Variants in RAB3IL1 observed in about 807,000 individuals in gnomAD.
RAB3IL1 encodes the protein guanine nucleotide exchange factor for Rab-3A.
RAB3IL1 carries 37 observed loss-of-function variants against 49.2 expected under a neutral mutation model. That is an observed-to-expected ratio of 0.75 (90% CI 0.58 to 0.99). The LOEUF (loss-of-function observed/expected upper bound fraction) is 0.99, where lower values mean the gene tolerates loss of function less well. RAB3IL1 is among the 50% of genes least tolerant of loss of function. The probability of loss-of-function intolerance (pLI) is 0.00; values close to 1 mark genes in which losing one functional copy is unlikely to be tolerated. For synonymous variants in RAB3IL1, 193 were observed against 213.9 expected (o/e 0.90, Z 0.85); for missense variants, 484 against 513.0 (o/e 0.94, Z 0.55).
chr11:61,928,220 A>T, the RAB3IL1 span, among the ~76,000 whole-genome samples: 1 of 152,044 alleles, frequency 6.6e-6, no homozygotes, highest in East Asian at 1.9e-4. Flanking sequence ...TGTGTTGTCT[A>T]TCAAGCTCTA....
intron 5 of RAB3IL1, 23 bp from the exon 6 acceptor site, chr11:61,904,905 G>A: frequency 1.3e-6 from 2 of 1,552,412 alleles, no homozygotes; most frequent in Non-Finnish European, 1.8e-6. Flanking sequence ...GCAAGCGAGG[G>A]TGGGGGCGGT....
chr11:61,898,324 T>C lies in RAB3IL1; in HGVS notation c.1103A>G (p.Lys368Arg), dbSNP rs150700132. 5.7e-4 allele frequency: 917 copies of C among 1,613,570 alleles called. 11 individuals carry two copies. The South Asian group carries it at 6.8e-3, about 12-fold the overall frequency. Residue 368 changes from lysine (K) to arginine (R), a missense_variant, in exon 10 of 10, where the codon AAG (lysine) becomes AGG (arginine). By Grantham distance (26) the Lys-to-Arg change is conservative. Transcript: ENST00000394836. This position sits in a 1 kb window ranked among gnomAD's most constrained non-coding sequence, Gnocchi z 5.1. The part of the protein sequence containing the change: ...PMFWEIMRLR[K>R]EMSLAKLGFF... Reference sequence around the variant, plus strand: ...GCCGAGCTTGGCCAGTGACATCTCCTTCCGCAACCTCATGATCTCCCAGAA... The same window carrying C: ...GCCGAGCTTGGCCAGTGACATCTCCCTCCGCAACCTCATGATCTCCCAGAA...
intron 8 of RAB3IL1, among the ~76,000 whole-genome samples, chr11:61,900,556 C>A (rs138294628): frequency 2.0e-5 from 3 of 152,086 alleles, no homozygotes; most frequent in Admixed American, 1.3e-4. Flanking sequence ...GGAGAGGCTG[C>A]GGCAGGAGGG....
rs371151677 is a variant in RAB3IL1, at chr11:61,907,491, G to A, written c.361-21C>T. On this transcript the variant is annotated intron_variant, in intron 3 of 9. Coordinates refer to ENST00000394836, the MANE Select transcript of RAB3IL1 (RefSeq NM_013401.4). ...GCTTCCTAGGAAGAAGGCAGTCCCT[G>A]CGTGAGTGGTGAGGAGCCAACGGAC... is the stretch of plus-strand genomic sequence containing the variant. The A allele has an allele frequency of 9.3e-6, 15 of 1,613,968 alleles. No homozygotes were observed. In the African/African-American group the frequency reaches 1.6e-4, roughly 17 times the overall value.
In RAB3IL1 at chr11:61,906,725, G is replaced by A. The variant is rs1032092697; in HGVS notation, c.439-41C>T. 3.9e-6 allele frequency: 6 copies of A among 1,553,450 alleles called. No individual in the cohort carries two copies. The highest frequency in any genetic ancestry group is 3.7e-5 in the Admixed American group (2 of 53,816). On this transcript the variant is annotated intron_variant, in intron 4 of 9. Transcript: ENST00000394836. The surrounding 1 kb of genome is among the most constrained non-coding windows in gnomAD (Gnocchi z 4.6). ...TGGCTGTCAACCCTCACCCAGACTGGATGCCATCCTGGCTGCCACCGCCTA... is the reference window on the plus strand; with the variant it reads ...TGGCTGTCAACCCTCACCCAGACTGAATGCCATCCTGGCTGCCACCGCCTA...
At chr11:61,907,307 A>G in intron 4 of RAB3IL1, 86 bp downstream of exon 4, 1 of 1,423,492 alleles carries the variant, frequency 7.0e-7, no homozygotes, top group Non-Finnish European at 9.7e-7. Context: ...GTGAGCGTCC[A>G]CTCGGGCAGC....
At chr11:61,917,150 C>A (rs1483432554) in intron 1 of RAB3IL1, among the ~76,000 whole-genome samples, 2 of 152,014 alleles carry the variant, frequency 1.3e-5, no homozygotes, top group African/African-American at 4.8e-5. Flanking sequence ...CGGCTGCCCA[C>A]CCTTCGCACC....
In RAB3IL1 at chr11:61,907,421, T is replaced by C; in HGVS notation, c.410A>G (p.Glu137Gly). Residue 137 changes from glutamate (E) to glycine (G), a missense_variant, in exon 4 of 10, where the codon GAA (glutamate) becomes GGA (glycine). Transcript: ENST00000394836. ...REANMKQAAS[E>G]KQLKEARGKI... ...GCCCCGAGCCTCCTTCAGCTGCTTT[T>C]CTGATGCCGCCTGCTTCATGTTGGC... 1 of 1,614,148 alleles carries C rather than the reference T, an allele frequency of 6.2e-7. No individual in the cohort carries two copies. Among genetic ancestry groups the C allele is most frequent in the East Asian group, 2.2e-5 (1 of 44,880 alleles).
At chr11:61,900,489 G>C (rs1357010997) in intron 8 of RAB3IL1, among the ~76,000 whole-genome samples, 1 of 152,216 alleles carries the variant, frequency 6.6e-6, no homozygotes, top group Non-Finnish European at 1.5e-5. Flanking sequence ...AGAGAGCGGG[G>C]CGAGGTCGGG....
chr11:61,902,580 G>A, intron 7 of RAB3IL1, 39 bp from the exon 8 acceptor site: 2 of 1,535,242 alleles, frequency 1.3e-6, no homozygotes, highest in Non-Finnish European at 1.8e-6. Flanking sequence ...GCTGGCTGGG[G>A]CTTGCCCCTC....
At chr11:61,914,065 G>A (rs1939576184) in intron 1 of RAB3IL1, among the ~76,000 whole-genome samples, 1 of 152,228 alleles carries the variant, frequency 6.6e-6, no homozygotes. Flanking sequence ...GAAGAGGCCT[G>A]TGTGCCTGAC....
chr11:61,934,712 AAAGCACAGTTGTAAATT>A, the RAB3IL1 span, among the ~76,000 whole-genome samples: 1 of 151,678 alleles, frequency 6.6e-6, no homozygotes, highest in Admixed American at 6.6e-5. Flanking sequence ...GACAAAGGTT[AAAGCACAGTTGTAAATT>A]GCCTGGCTTA....
intron 1 of RAB3IL1, among the ~76,000 whole-genome samples, chr11:61,912,436 A>G (rs1001602341): frequency 1.3e-5 from 2 of 152,224 alleles, no homozygotes; most frequent in African/African-American, 2.4e-5. Flanking sequence ...TGGCTCCCCT[A>G]GAGAGCGGCC....
intron 1 of RAB3IL1, among the ~76,000 whole-genome samples, chr11:61,910,874 G>A (rs1161351778): frequency 1.3e-5 from 2 of 152,236 alleles, no homozygotes; most frequent in African/African-American, 2.4e-5. Flanking sequence ...TGCAGGCCAA[G>A]GGCAAGAGGT....
the RAB3IL1 span, among the ~76,000 whole-genome samples, chr11:61,940,287 C>A: frequency 6.6e-6 from 1 of 151,338 alleles, no homozygotes; most frequent in Admixed American, 6.6e-5. Flanking sequence ...ACTAAAAATA[C>A]AAAATTAGCC....
At chr11:61,921,019 TTTTG>T (rs1939894092), upstream of RAB3IL1, among the ~76,000 whole-genome samples, 2 of 152,238 alleles carry the variant, frequency 1.3e-5, no homozygotes, top group South Asian at 4.1e-4. Context: ...CAGTTTTGTT[TTTTG>T]TTTGTTTTTA....
chr11:61,934,418 A>ATGTG, the RAB3IL1 span, among the ~76,000 whole-genome samples: 1 of 88,746 alleles, frequency 1.1e-5, no homozygotes, highest in South Asian at 2.7e-4. Flanking sequence ...ATATACATAT[A>ATGTG]TATGTGTATG....
the RAB3IL1 span, among the ~76,000 whole-genome samples, chr11:61,945,621 G>T: frequency 1.3e-5 from 2 of 152,184 alleles, no homozygotes; most frequent in Non-Finnish European, 2.9e-5. Context: ...CTACTCACTG[G>T]GTGTGAACCT....
chr11:61,925,794 A>G, the RAB3IL1 span, among the ~76,000 whole-genome samples: 6 of 152,182 alleles, frequency 3.9e-5, no homozygotes, highest in African/African-American at 7.2e-5. Context: ...GGAAAAAAAA[A>G]GTCTGGAAAG....
Sources: gnomAD v4.1 joint callset for allele counts (sites outside exome capture counted in the v4.1 genomes callset) on GRCh38, gnomAD v4.1.1 for gene constraint, Gnocchi (gnomAD v3.1) non-coding constraint, MANE v1.5 for transcripts, NCBI Gene and HGNC (gene_info 2026-07-23, HGNC 2026-07-21) for gene names.